HDAC9: variants seen among roughly 807,000 people sequenced by gnomAD.
HDAC9 encodes the protein histone deacetylase 9.
In HDAC9, 41 loss-of-function variants were observed where a neutral mutation model predicts 139.4. That is an observed-to-expected ratio of 0.29 (90% CI 0.23 to 0.38). The LOEUF (loss-of-function observed/expected upper bound fraction) is 0.38, where lower values mean the gene tolerates loss of function less well. HDAC9 is among the 10% of genes least tolerant of loss of function. The probability of loss-of-function intolerance (pLI) is 1.00; values close to 1 mark genes in which losing one functional copy is unlikely to be tolerated. For synonymous variants in HDAC9, 517 were observed against 476.2 expected (o/e 1.09, Z -1.12); for missense variants, 1,147 against 1,297.0 (o/e 0.88, Z 1.78).
intron 1 of HDAC9, among the ~76,000 whole-genome samples, chr7:18,398,830 G>A (rs1293372516): frequency 6.6e-6 from 1 of 152,036 alleles, no homozygotes; most frequent in East Asian, 1.9e-4. Flanking sequence ...AATGGAAAAT[G>A]CAACTTGACC....
intron 21 of HDAC9, among the ~76,000 whole-genome samples, chr7:18,868,206 C>T (rs1798638329): frequency 6.6e-6 from 1 of 152,064 alleles, no homozygotes; most frequent in Non-Finnish European, 1.5e-5. Flanking sequence ...CCAGCTTTCC[C>T]TGTGGTTGTA....
chr7:18,538,355 A>T (rs891736387), intron 2 of HDAC9, among the ~76,000 whole-genome samples: 2 of 152,222 alleles, frequency 1.3e-5, no homozygotes, highest in African/African-American at 2.4e-5. Flanking sequence ...TATGTTAAGG[A>T]GTAAAAGTAA....
chr7:18,212,516 C>A (rs1792016225), intron 2 of HDAC9, among the ~76,000 whole-genome samples: 1 of 152,186 alleles, frequency 6.6e-6, no homozygotes. Flanking sequence ...CATTCACTGA[C>A]TGTTTACATT....
chr7:18,995,161 A>G (rs1786358484), intron 25 of HDAC9, among the ~76,000 whole-genome samples: 1 of 152,240 alleles, frequency 6.6e-6, no homozygotes, highest in Non-Finnish European at 1.5e-5. Context: ...ACCTGAAACC[A>G]GAGCTTCACA....
chr7:18,482,623 GTAAC>G lies in HDAC9; in HGVS notation c.-41-13637_-41-13634del, dbSNP rs1166552560. Reference sequence around the variant, plus strand: ...ATTAAAACATAAATTAAGAAGAAAAGTAACTGAGCAATGCCCTTATTTATTTTTT... The same window carrying G: ...ATTAAAACATAAATTAAGAAGAAAAGTGAGCAATGCCCTTATTTATTTTTT... On this transcript the variant is annotated intron_variant, in intron 1 of 3. Transcript: ENST00000413509. Among the ~76,000 whole-genome samples the G allele has an allele frequency of 2.6e-5, 4 of 151,988 alleles. No individual in the cohort carries two copies. The East Asian group carries it at 5.8e-4, about 22-fold the overall frequency.
intron 25 of HDAC9, among the ~76,000 whole-genome samples, chr7:18,990,030 G>C (rs369466871): frequency 6.6e-6 from 1 of 151,724 alleles, no homozygotes; most frequent in African/African-American, 2.4e-5. Context: ...TAATTTGATC[G>C]TCTGAAGCCT....
At chr7:18,969,880 G>A (rs1392319761) in intron 24 of HDAC9, among the ~76,000 whole-genome samples, 1 of 152,146 alleles carries the variant, frequency 6.6e-6, no homozygotes, top group African/African-American at 2.4e-5. Context: ...TGCCAAAGTG[G>A]AGTATGCTGA....
At chr7:18,973,406 TCATTA>T (rs1764553558) in intron 24 of HDAC9, among the ~76,000 whole-genome samples, 1 of 152,220 alleles carries the variant, frequency 6.6e-6, no homozygotes, top group Admixed American at 6.5e-5. Context: ...TTTATGTAAC[TCATTA>T]CAATATATGT....
chr7:18,766,814 A>T (rs893386372), intron 15 of HDAC9, among the ~76,000 whole-genome samples: 7 of 152,168 alleles, frequency 4.6e-5, no homozygotes, highest in Admixed American at 3.3e-4. Flanking sequence ...CTTAGAAAAA[A>T]ATCTTGTGAC....
At chr7:18,150,299 G>A (rs73062426) in intron 1 of HDAC9, among the ~76,000 whole-genome samples, 5,001 of 151,846 alleles carry the variant, frequency 0.033, 116 homozygotes, top group Middle Eastern at 0.12. Flanking sequence ...TATATAGGCC[G>A]CAATTGAGAA....
chr7:18,977,646 T>C (rs914928913), intron 25 of HDAC9, among the ~76,000 whole-genome samples: 2 of 152,134 alleles, frequency 1.3e-5, no homozygotes, highest in African/African-American at 2.4e-5. Flanking sequence ...TTAAGCTTCA[T>C]CTGATGGCAG....
chr7:18,301,706 C>T (rs1798551112), intron 1 of HDAC9, among the ~76,000 whole-genome samples: 1 of 152,082 alleles, frequency 6.6e-6, no homozygotes, highest in African/African-American at 2.4e-5. Flanking sequence ...ACCAAGAGAT[C>T]AAAATAAATC....
intron 2 of HDAC9, among the ~76,000 whole-genome samples, chr7:18,184,263 C>A (rs191711640): frequency 6.6e-6 from 1 of 151,974 alleles, no homozygotes; most frequent in Non-Finnish European, 1.5e-5. Context: ...CTGAGCGTTG[C>A]GGCACATGCC....
At chr7:18,606,993 TAAAG>T (rs1000775023) in intron 6 of HDAC9, among the ~76,000 whole-genome samples, 7 of 152,160 alleles carry the variant, frequency 4.6e-5, no homozygotes, top group African/African-American at 1.7e-4. Context: ...TTCCTCATGA[TAAAG>T]AAATAATACA....
At chr7:18,960,027 C>T (rs1321532522) in intron 24 of HDAC9, among the ~76,000 whole-genome samples, 2 of 151,888 alleles carry the variant, frequency 1.3e-5, no homozygotes, top group Non-Finnish European at 2.9e-5. Flanking sequence ...CACACACACA[C>T]ACACACACAC....
chr7:18,522,178 G>C (rs1009852085), intron 2 of HDAC9, among the ~76,000 whole-genome samples: 21 of 152,154 alleles, frequency 1.4e-4, no homozygotes, highest in Non-Finnish European at 1.3e-4. Flanking sequence ...TTCATTTATA[G>C]AGAGATTGCT....
At chr7:18,802,708 G>A (rs780133042) in intron 17 of HDAC9, among the ~76,000 whole-genome samples, 75 of 151,490 alleles carry the variant, frequency 5.0e-4, no homozygotes, top group Non-Finnish European at 9.6e-4. Context: ...GTAAAATTAA[G>A]ACTATTATAT....
chr7:18,612,306 T>C (rs1837384626), intron 6 of HDAC9, among the ~76,000 whole-genome samples: 1 of 152,160 alleles, frequency 6.6e-6, no homozygotes, highest in Admixed American at 6.6e-5. Flanking sequence ...GACACATCAA[T>C]TGTGTTTGCC....
chr7:18,728,441 AC>A (rs1425668583), intron 13 of HDAC9, among the ~76,000 whole-genome samples: 4 of 147,580 alleles, frequency 2.7e-5, no homozygotes, highest in African/African-American at 5.3e-5. Context: ...ACACACACAC[AC>A]ACACAAAGGG....
Sources: gnomAD v4.1 joint callset for allele counts (sites outside exome capture counted in the v4.1 genomes callset) on GRCh38, gnomAD v4.1.1 for gene constraint, MANE v1.5 for transcripts, NCBI Gene and HGNC (gene_info 2026-07-23, HGNC 2026-07-21) for gene names.